STAM: variants seen among roughly 807,000 people sequenced by gnomAD.
The protein encoded by STAM is signal transducing adaptor molecule, also known as signal transducing adapter molecule 1.
A neutral mutation model predicts 63.4 loss-of-function variants in STAM; 16 were observed. The ratio of observed to expected loss-of-function variants is 0.25; its 90% CI spans 0.17 to 0.38. The LOEUF (loss-of-function observed/expected upper bound fraction) is 0.38. STAM is among the 10% of genes least tolerant of loss of function. The pLI is 1.00. For missense variants in STAM, 636 were observed against 657.1 expected, an observed-to-expected ratio of 0.97 and a Z score of 0.35; for synonymous variants, 238 against 223.9, an observed-to-expected ratio of 1.06 and a Z score of -0.56.
rs559273117 is a variant in STAM at position 17,680,920 on chromosome 10, A to G, written c.126-3755A>G. Among the ~76,000 whole-genome samples, 7 of 152,304 alleles carry G rather than the reference A, an allele frequency of 4.6e-5. No individual in the cohort carries two copies. The East Asian group carries it at 7.7e-4, about 17-fold the overall frequency. Reference sequence around the variant, plus strand: ...TTTAGCTATTGTGAATAATGCTGCTATGAACACGGGTATACCACTATCTCC... The same window carrying G: ...TTTAGCTATTGTGAATAATGCTGCTGTGAACACGGGTATACCACTATCTCC... On this transcript the variant is annotated intron_variant, in intron 2 of 13. Coordinates refer to ENST00000377524, the MANE Select transcript of STAM (RefSeq NM_003473.4).
At position 17,667,677 on chromosome 10, in the gene STAM, A is replaced by G. The variant is rs7906666; in HGVS notation, c.125+7129A>G. ...AACAGATACTAACAGATGATGGTCA[A>G]TAGCTAAGAAGCTAGTAACCAGAGT... On this transcript the variant is annotated intron_variant, in intron 2 of 13. Coordinates refer to ENST00000377524, the MANE Select transcript of STAM (RefSeq NM_003473.4). 5.3e-3 allele frequency among the ~76,000 whole-genome samples: 805 copies of G among 152,364 alleles called. 13 individuals are homozygous for G. The highest frequency in any genetic ancestry group is 0.019 in the African/African-American group (780 of 41,590).
chr10:17,703,121 T>C (rs1836089672), intron 9 of STAM, among the ~76,000 whole-genome samples: 1 of 151,798 alleles, frequency 6.6e-6, no homozygotes, highest in African/African-American at 2.4e-5. Context: ...ATTTTAAATA[T>C]TGTATAGTAT....
At chr10:17,657,399 T>C (rs569927476) in intron 1 of STAM, among the ~76,000 whole-genome samples, 1 of 152,342 alleles carries the variant, frequency 6.6e-6, no homozygotes, top group South Asian at 2.1e-4. Flanking sequence ...TTTGCATTTA[T>C]GTTCATGAGA....
chr10:17,700,792 CA>C (rs34561235), intron 9 of STAM, among the ~76,000 whole-genome samples: 11,577 of 152,166 alleles, frequency 0.076, 521 homozygotes, highest in Admixed American at 0.11. Context: ...AGATTGTTTG[CA>C]CATGACTGAG....
intron 2 of STAM, among the ~76,000 whole-genome samples, chr10:17,681,510 G>A (rs1373565801): frequency 6.6e-6 from 1 of 151,930 alleles, no homozygotes; most frequent in Non-Finnish European, 1.5e-5. Context: ...TTTATCATGT[G>A]TAATATCCAT....
rs367879073 is a variant in STAM, at chr10:17,695,207, A to G, written c.694A>G (p.Lys232Glu). ...TGCTGAAGACAATGAACTTACTTTT[A>G]AAGCTGGAGAAATTATTACAGTTCT... Reference protein sequence around the residue: ...EAAEDNELTFKAGEIITVLDD... With the variant: ...EAAEDNELTFEAGEIITVLDD... Residue 232 changes from lysine to glutamate, a missense_variant, in exon 7 of 14, where the codon AAA becomes GAA. By Grantham distance (56) the Lys-to-Glu change is moderately conservative. Around this residue, in one of 3 missense-constraint regions of STAM, gnomAD observed 532 missense variants for 536.9 expected, o/e 0.99. Coordinates refer to ENST00000377524, the MANE Select transcript of STAM (RefSeq NM_003473.4). 17 of 1,613,712 alleles carry G rather than the reference A, an allele frequency of 1.1e-5. No homozygotes were observed. The highest frequency in any genetic ancestry group is 1.4e-5 in the Non-Finnish European group (16 of 1,179,888).
At chr10:17,711,020 G>A (rs181281410) in intron 13 of STAM, among the ~76,000 whole-genome samples, 1 of 152,280 alleles carries the variant, frequency 6.6e-6, no homozygotes, top group African/African-American at 2.4e-5. Flanking sequence ...TGGAAGGAGC[G>A]AGGGCCAGGG....
At chr10:17,649,293 C>G (rs561412863) in intron 1 of STAM, among the ~76,000 whole-genome samples, 2 of 151,442 alleles carry the variant, frequency 1.3e-5, no homozygotes, top group Non-Finnish European at 2.9e-5. Context: ...CCCATTTACT[C>G]GGGATGCTGA....
chr10:17,657,094 ACTG>A (rs756206022), intron 1 of STAM, among the ~76,000 whole-genome samples: 77 of 152,200 alleles, frequency 5.1e-4, no homozygotes, highest in Non-Finnish European at 9.1e-4. Flanking sequence ...AAGGTCGTAT[ACTG>A]CCATTTTGTC....
intron 2 of STAM, chr10:17,673,142 A>G (rs1341639432): frequency 1.7e-6 from 1 of 594,392 alleles, no homozygotes; most frequent in Non-Finnish European, 2.1e-6. Context: ...CTTACCATGT[A>G]TTTTTACAAA....
chr10:17,678,169 A>C (rs539096641), intron 2 of STAM, among the ~76,000 whole-genome samples: 6 of 152,200 alleles, frequency 3.9e-5, no homozygotes, highest in African/African-American at 1.4e-4. Flanking sequence ...TCTACTTTCT[A>C]TCTGTGTGGA....
At chr10:17,703,008 C>CAAAAAAAAAA (rs71507229) in intron 9 of STAM, among the ~76,000 whole-genome samples, 13 of 67,726 alleles carry the variant, frequency 1.9e-4, no homozygotes, top group African/African-American at 2.6e-4. Context: ...GACTCCATCT[C>CAAAAAAAAAA]AAAAAAAAAA....
At chr10:17,694,415 C>T (rs529373597) in intron 6 of STAM, among the ~76,000 whole-genome samples, 6 of 152,104 alleles carry the variant, frequency 3.9e-5, no homozygotes, top group East Asian at 1.9e-4. Context: ...AAAACAAGAG[C>T]GGAAGAGCAG....
chr10:17,699,657 C>T (rs1340823223), intron 8 of STAM, among the ~76,000 whole-genome samples: 2 of 152,192 alleles, frequency 1.3e-5, no homozygotes, highest in African/African-American at 4.8e-5. Context: ...CTGCAAAGTT[C>T]TCCACTGGCA....
At chr10:17,699,973 T>C (rs1000878641) in intron 8 of STAM, among the ~76,000 whole-genome samples, 7 of 152,232 alleles carry the variant, frequency 4.6e-5, no homozygotes, top group Admixed American at 1.3e-4. Flanking sequence ...TTATGGAAAC[T>C]GTAAAATGTT....
chr10:17,675,263 G>T (rs1490612963), intron 2 of STAM, among the ~76,000 whole-genome samples: 4 of 152,144 alleles, frequency 2.6e-5, no homozygotes, highest in Non-Finnish European at 5.9e-5. Context: ...CAGCCCTTTG[G>T]GAGGCCAAGG....
In STAM at chr10:17,684,750, T is replaced by A. The variant is rs1247301749; in HGVS notation, c.201T>A (p.Thr67=). 1 of 1,614,080 alleles carries A rather than the reference T, an allele frequency of 6.2e-7. No homozygotes were observed. Among genetic ancestry groups the A allele is most frequent in the Non-Finnish European group, 8.5e-7 (1 of 1,179,988 alleles). Residue 67 remains threonine, a splice_region_variant and synonymous_variant, in exon 3 of 14, where the codon ACT becomes ACA. Transcript: ENST00000377524. The part of the protein sequence containing the change: ...KDPHVAMQAL[T]LLGACVSNCG... The stretch of plus-strand genomic sequence containing the variant: ...CTCACGTTGCTATGCAGGCTTTGAC[T>A]GTGAGTGGTTTCATTTTAATCTGTA...
intron 1 of STAM, among the ~76,000 whole-genome samples, chr10:17,647,536 A>G (rs1170961582): frequency 6.6e-6 from 1 of 151,566 alleles, no homozygotes; most frequent in Non-Finnish European, 1.5e-5. Flanking sequence ...TTAGGAAGCA[A>G]TTTAGCTTAG....
chr10:17,646,881 T>C (rs1833540958), intron 1 of STAM, among the ~76,000 whole-genome samples: 1 of 152,258 alleles, frequency 6.6e-6, no homozygotes, highest in African/African-American at 2.4e-5. Flanking sequence ...GTAACTCATT[T>C]GATACAGTTA....
Sources: allele counts gnomAD v4.1 joint callset (sites outside exome capture counted in the v4.1 genomes callset), GRCh38; gene constraint gnomAD v4.1.1; regional missense constraint gnomAD v4.1.1; transcripts MANE v1.5; gene names NCBI Gene and HGNC (gene_info 2026-07-23, HGNC 2026-07-21).